Variants in STK40 observed in about 807,000 individuals in gnomAD.
The protein encoded by STK40 is serine/threonine kinase 40.
STK40 carries 13 observed loss-of-function variants against 47.9 expected under a neutral mutation model. The ratio of observed to expected loss-of-function variants is 0.27; its 90% CI spans 0.18 to 0.43. The LOEUF (loss-of-function observed/expected upper bound fraction) is 0.43, where lower values mean the gene tolerates loss of function less well. Ranked by LOEUF, STK40 falls within the 20% of genes least tolerant of loss-of-function variation. The probability of loss-of-function intolerance (pLI) is 1.00; values close to 1 mark genes in which losing one functional copy is unlikely to be tolerated. For synonymous variants in STK40, 225 were observed against 243.2 expected (o/e 0.93, Z 0.69); for missense variants, 460 against 595.1 (o/e 0.77, Z 2.36).
intron 7 of STK40, among the ~76,000 whole-genome samples, chr1:36,347,300 G>C (rs1228913239): frequency 3.3e-5 from 5 of 152,214 alleles, no homozygotes; most frequent in Non-Finnish European, 7.3e-5. Context: ...CTCCATGTTG[G>C]AGGGATGGGA....
At chr1:36,350,073 C>G (rs1460500902) in intron 6 of STK40, among the ~76,000 whole-genome samples, 1 of 152,210 alleles carries the variant, frequency 6.6e-6, no homozygotes, top group East Asian at 1.9e-4. Flanking sequence ...ATTCTGCTGG[C>G]AAAGGGCTCG....
intron 4 of STK40, 125 bp downstream of exon 4, chr1:36,358,114 G>A (rs747664684): frequency 8.1e-7 from 1 of 1,230,432 alleles, no homozygotes; most frequent in Non-Finnish European, 1.1e-6. Context: ...AAGTCCTGAT[G>A]TACCTAGCAT....
intron 1 of STK40, 69 bp from the exon 2 acceptor site, chr1:36,361,409 C>T: frequency 1.3e-6 from 2 of 1,598,004 alleles, no homozygotes; most frequent in Non-Finnish European, 1.7e-6. Flanking sequence ...ACCCAGCCTG[C>T]AGGCCTTTGA....
rs1002233203 is a variant in STK40 at position 36,364,083 on chromosome 1, G to A, written c.-8-2743C>T. Among the ~76,000 whole-genome samples the A allele has an allele frequency of 7.2e-5, 11 of 152,104 alleles. No individual in the cohort carries two copies. The East Asian group carries it at 7.7e-4, about 11-fold the overall frequency. On this transcript the variant is annotated intron_variant, in intron 1 of 10. Coordinates refer to ENST00000373132, the MANE Select transcript of STK40 (RefSeq NM_001282547.2). Reference sequence around the variant, plus strand: ...GGAGAATAGTGTGAACCCAGGAGGCGGAGCTTGCAGTGAGCTGAGATCGCA... The same window carrying A: ...GGAGAATAGTGTGAACCCAGGAGGCAGAGCTTGCAGTGAGCTGAGATCGCA...
At chr1:36,361,076 G>T in intron 2 of STK40, 145 bp downstream of exon 2, 4 of 871,880 alleles carry the variant, frequency 4.6e-6, no homozygotes, top group Non-Finnish European at 7.0e-6. Flanking sequence ...AGTGAAGCTA[G>T]GGACCAAGCC....
At position 36,355,445 on chromosome 1, in the gene STK40, G is replaced by C. The variant is rs746535233; in HGVS notation, c.343-12C>G. 1.2e-5 allele frequency: 19 copies of C among 1,613,890 alleles called. No individual in the cohort carries two copies. The East Asian group carries it at 2.0e-4, about 17-fold the overall frequency. ...TCACAGGTGCGGTCCTGGGAGGCAA[G>C]GGGGTAGCGCAGGGCTTGGCTGTGA... On this transcript the variant is annotated splice_polypyrimidine_tract_variant and intron_variant, in intron 4 of 10. Coordinates refer to ENST00000373132, the MANE Select transcript of STK40 (RefSeq NM_001282547.2).
chr1:36,362,381 C>T (rs1646860206), intron 1 of STK40, among the ~76,000 whole-genome samples: 1 of 152,304 alleles, frequency 6.6e-6, no homozygotes, highest in African/African-American at 2.4e-5. Context: ...CCTAAGGATA[C>T]AGGAGTGGGC....
At chr1:36,347,510 C>T (rs1001894082) in intron 7 of STK40, among the ~76,000 whole-genome samples, 2 of 152,180 alleles carry the variant, frequency 1.3e-5, no homozygotes, top group African/African-American at 4.8e-5. Flanking sequence ...CCTCAATTTC[C>T]TCATCTGTGA....
At chr1:36,364,495 A>G (rs2124742139) in intron 1 of STK40, among the ~76,000 whole-genome samples, 1 of 152,282 alleles carries the variant, frequency 6.6e-6, no homozygotes. Context: ...AATTTGTTTC[A>G]TATGCTTACT....
At chr1:36,366,768 A>G (rs1393086287) in intron 1 of STK40, among the ~76,000 whole-genome samples, 1 of 151,310 alleles carries the variant, frequency 6.6e-6, no homozygotes, top group Non-Finnish European at 1.5e-5. Context: ...TGCCCCAGGA[A>G]CTCAACAGTC....
At chr1:36,372,423 C>CAAAAAA (rs796595993) in intron 1 of STK40, among the ~76,000 whole-genome samples, 2 of 39,598 alleles carry the variant, frequency 5.1e-5, no homozygotes, top group Admixed American at 5.5e-4. Flanking sequence ...GACCTTGTCT[C>CAAAAAA]AAAAAAAAAA....
intron 1 of STK40, among the ~76,000 whole-genome samples, chr1:36,378,929 C>T (rs1262404754): frequency 6.6e-6 from 1 of 152,188 alleles, no homozygotes; most frequent in Non-Finnish European, 1.5e-5. Flanking sequence ...ATGCCAGCAA[C>T]AGGATTCCAA....
At chr1:36,352,649 T>G (rs1646769586) in intron 6 of STK40, among the ~76,000 whole-genome samples, 1 of 152,150 alleles carries the variant, frequency 6.6e-6, no homozygotes, top group Admixed American at 6.5e-5. Context: ...CTGCAGAGCA[T>G]AGCAGGGCAA....
chr1:36,344,336 C>T lies in STK40; in HGVS notation c.740-72G>A, dbSNP rs1646681182. On this transcript the variant is annotated intron_variant, in intron 7 of 10. Transcript: ENST00000373132. ...GTGGCTCACCAGCCTGGAATCCCACCTGGGACCCTCCACCTGCCACCCTCA... is the reference window on the plus strand; with the variant it reads ...GTGGCTCACCAGCCTGGAATCCCACTTGGGACCCTCCACCTGCCACCCTCA... 4 of 1,500,954 alleles carry T rather than the reference C, an allele frequency of 2.7e-6. No homozygotes were observed. The African/African-American group carries it at 4.2e-5, about 16-fold the overall frequency. 93.0% of individuals were successfully genotyped at this position (1,500,954 alleles called of 1,614,324 possible).
chr1:36,344,345 T>A, intron 7 of STK40, 81 bp from the exon 8 acceptor site: 1 of 1,485,184 alleles, frequency 6.7e-7, no homozygotes. Flanking sequence ...CCTGGGACCC[T>A]CCACCTGCCA....
chr1:36,344,396 T>G, intron 7 of STK40, 132 bp from the exon 8 acceptor site: 4 of 1,206,284 alleles, frequency 3.3e-6, no homozygotes, highest in Non-Finnish European at 4.5e-6. Flanking sequence ...TCTGAGCTCC[T>G]GCCCGTGCTC....
Position 36,340,796 on chromosome 1 carries a change from A to G in STK40, c.*959T>C, listed in dbSNP as rs529947085. ...CTGGGATATGTTCCCACCATCCCCT[A>G]AACACAAGAGTAGGCTAGGGGAGCG... On this transcript the variant is annotated 3_prime_UTR_variant, in exon 11 of 11. Coordinates refer to ENST00000373132, the MANE Select transcript of STK40 (RefSeq NM_001282547.2). 1 of 152,296 alleles carries G rather than the reference A, an allele frequency of 6.6e-6. No individual in the cohort carries two copies. Among genetic ancestry groups the G allele is most frequent in the Admixed American group, 6.5e-5 (1 of 15,282 alleles). The allele number at this position is 152,296 out of a possible 1,614,324, so 9.4% of individuals were successfully genotyped here. A position where few individuals can be genotyped will look rare whatever the true frequency, so the allele number is the denominator to read the frequency against.
intron 1 of STK40, among the ~76,000 whole-genome samples, chr1:36,381,366 T>C (rs1647037754): frequency 6.6e-6 from 1 of 152,236 alleles, no homozygotes; most frequent in Admixed American, 6.5e-5. Flanking sequence ...CTAGAACTCC[T>C]GTGGTTCCTA....
intron 6 of STK40, among the ~76,000 whole-genome samples, chr1:36,351,437 G>A (rs1354087848): frequency 6.6e-6 from 1 of 152,120 alleles, no homozygotes; most frequent in African/African-American, 2.4e-5. Context: ...AACGAGGTGA[G>A]AGTGGGGCCC....
Sources: gnomAD v4.1 joint callset for allele counts (sites outside exome capture counted in the v4.1 genomes callset) on GRCh38, gnomAD v4.1.1 for gene constraint, MANE v1.5 for transcripts, NCBI Gene and HGNC (gene_info 2026-07-23, HGNC 2026-07-21) for gene names.